The following LIG3 variants were observed in gnomAD, a reference collection of about 807,000 sequenced individuals.
LIG3 encodes the protein DNA ligase 3, also known as ligase II, DNA, ATP-dependent.
In LIG3, 58 loss-of-function variants were observed where a neutral mutation model predicts 110.9. The observed-to-expected ratio is 0.52, with a 90% CI of 0.42 to 0.65. LIG3 has a LOEUF of 0.65. Among genes scored for constraint, LIG3 ranks in the 30% least tolerant of loss-of-function variants. LIG3 has a pLI of 0.00. For synonymous variants in LIG3, 422 were observed against 472.8 expected (o/e 0.89, Z 1.39); for missense variants, 1,094 against 1,273.8 (o/e 0.86, Z 2.15).
intron 4 of LIG3, 161 bp downstream of exon 4, chr17:34,989,824 C>A (rs1460793645): frequency 4.5e-6 from 3 of 672,084 alleles, no homozygotes; most frequent in Non-Finnish European, 7.6e-6. Context: ...GAACAAGGGG[C>A]CTCGCATTTG....
chr17:35,004,929 CAGG>C lies in LIG3; in HGVS notation c.*424_*426del. ...ATCCTTGCCTGTTCCTTTGTACTTC[CAGG>C]CTCATTTTAAAGTTGTATTTAAAGG... On this transcript the variant is annotated 3_prime_UTR_variant, in exon 20 of 20. Transcript: ENST00000378526. 1 of 265,412 alleles carries C rather than the reference CAGG, an allele frequency of 3.8e-6. No homozygotes were observed. Among genetic ancestry groups the C allele is most frequent in the Non-Finnish European group, 7.3e-6 (1 of 136,236 alleles). 16.4% of individuals were successfully genotyped at this position (265,412 alleles called of 1,614,324 possible).
rs1162291858 is a variant in LIG3 at position 34,989,675 on chromosome 17, G to A, written c.889+12G>A. The stretch of plus-strand genomic sequence containing the variant: ...AGGCTCAGCAGGAGGTGTGGCATGA[G>A]CATCCTGAATAGGCCTTTCCTCCGG... On this transcript the variant is annotated intron_variant, in intron 4 of 19. Coordinates refer to ENST00000378526, the MANE Select transcript of LIG3 (RefSeq NM_013975.4). 1.2e-6 allele frequency: 2 copies of A among 1,613,684 alleles called. No homozygotes were observed. Among genetic ancestry groups the A allele is most frequent in the South Asian group, 1.1e-5 (1 of 91,062 alleles).
rs1051814408 is a variant in LIG3 at position 34,980,555 on chromosome 17, T to C, written c.-72T>C. The stretch of plus-strand genomic sequence containing the variant: ...AAAGAGACAGGCGCTCCAACCGTCG[T>C]GGGCTGCCCGCGGCCTGTAATGAGC... On this transcript the variant is annotated 5_prime_UTR_variant, in exon 1 of 20. Coordinates refer to ENST00000378526, the MANE Select transcript of LIG3 (RefSeq NM_013975.4). 7.8e-7 allele frequency: 1 copy of C among 1,287,658 alleles called. No individual in the cohort carries two copies. The highest frequency in any genetic ancestry group is 1.2e-5 in the South Asian group (1 of 80,662). 79.8% of individuals were successfully genotyped at this position (1,287,658 alleles called of 1,614,324 possible).
rs761469927 is a variant in LIG3, at chr17:34,996,046, C to T, written c.1612-18C>T. ...GCTGCCATGTCATCCCTCACCAAAGCTCCCCTTCTGCTTTCAGGTGGCCCA... is the reference window on the plus strand; with the variant it reads ...GCTGCCATGTCATCCCTCACCAAAGTTCCCCTTCTGCTTTCAGGTGGCCCA... On this transcript the variant is annotated intron_variant, in intron 9 of 19. Transcript: ENST00000378526. The T allele has an allele frequency of 1.4e-5, 22 of 1,608,554 alleles. No homozygotes were observed. Among genetic ancestry groups the T allele is most frequent in the Middle Eastern group, 1.7e-4 (1 of 6,030 alleles).
At chr17:34,996,013 A>G in intron 9 of LIG3, 51 bp from the exon 10 acceptor site, 1 of 1,586,914 alleles carries the variant, frequency 6.3e-7, no homozygotes, top group East Asian at 2.2e-5. Flanking sequence ...GCATGGTTTG[A>G]GGTCCCTGCT....
At chr17:34,989,937 C>T in intron 4 of LIG3, 1 of 438,272 alleles carries the variant, frequency 2.3e-6, no homozygotes, top group Admixed American at 3.5e-5. Flanking sequence ...GCCAGAAGAA[C>T]CCATCCTATT....
rs577824677 is a variant in LIG3 at position 34,980,564 on chromosome 17, C to T, written c.-63C>T. The T allele has an allele frequency of 7.8e-7, 1 of 1,287,664 alleles. No homozygotes were observed. Among genetic ancestry groups the T allele is most frequent in the Non-Finnish European group, 1.0e-6 (1 of 987,808 alleles). 79.8% of individuals were successfully genotyped at this position (1,287,664 alleles called of 1,614,324 possible). On this transcript the variant is annotated 5_prime_UTR_variant, in exon 1 of 20. Coordinates refer to ENST00000378526, the MANE Select transcript of LIG3 (RefSeq NM_013975.4). ...GGCGCTCCAACCGTCGTGGGCTGCC[C>T]GCGGCCTGTAATGAGCAAGTTCCGA...
chr17:34,991,973 C>T lies in LIG3; in HGVS notation c.1224C>T (p.Asp408=). 1.2e-6 allele frequency: 2 copies of T among 1,614,114 alleles called. No homozygotes were observed. Among genetic ancestry groups the T allele is most frequent in the Non-Finnish European group, 1.7e-6 (2 of 1,179,926 alleles). ...QDIASRCTAN[D]LKCIIRLIKH... is the part of the protein sequence containing the mutation. ...ATCCCCCTAGGTGTACAGCCAATGACCTTAAATGCATCATCAGGTTGATCA... is the reference window on the plus strand; with the variant it reads ...ATCCCCCTAGGTGTACAGCCAATGATCTTAAATGCATCATCAGGTTGATCA... The change falls in exon 7 of 20, where the codon GAC becomes GAT. Residue 408 remains aspartate, a synonymous_variant. Transcript: ENST00000378526.
At chr17:35,000,991 G>A (rs1270633698) in intron 16 of LIG3, among the ~76,000 whole-genome samples, 1 of 151,992 alleles carries the variant, frequency 6.6e-6, no homozygotes, top group East Asian at 1.9e-4. Flanking sequence ...TGCAACCTCT[G>A]CCTCCTGGGT....
intron 5 of LIG3, 96 bp downstream of exon 5, chr17:34,991,210 A>T: frequency 8.1e-7 from 1 of 1,229,268 alleles, no homozygotes; most frequent in Non-Finnish European, 1.1e-6. Context: ...GTTGGGACAC[A>T]TACTGTTTTA....
chr17:34,982,575 A>G (rs908712675), intron 1 of LIG3, among the ~76,000 whole-genome samples: 1 of 151,446 alleles, frequency 6.6e-6, no homozygotes, highest in Non-Finnish European at 1.5e-5. Flanking sequence ...TGAACCCGAG[A>G]GGAGGAGGTT....
chr17:34,981,438 A>G (rs2090591169), intron 1 of LIG3: 1 of 152,200 alleles, frequency 6.6e-6, no homozygotes, highest in South Asian at 2.1e-4. Context: ...CCTCCAAAAA[A>G]CCGTGCATTT....
chr17:34,990,613 G>A (rs2090708853), intron 4 of LIG3, among the ~76,000 whole-genome samples: 3 of 151,260 alleles, frequency 2.0e-5, no homozygotes, highest in Non-Finnish European at 4.4e-5. Flanking sequence ...TTGTGTGTGT[G>A]TGTGAGACAG....
Position 34,991,781 on chromosome 17 carries a change from G to A in LIG3, c.1152G>A (p.Leu384=). Residue 384 remains leucine (L), a synonymous_variant, in exon 6 of 20, where the codon CTG becomes CTA. Transcript: ENST00000378526. ...AAGTGGATGAGTTCCTTCTGCGGCT[G>A]TCCAAGCTCACCAAGGAGGATGAGC... The part of the protein sequence containing the change: ...IQEVDEFLLR[L]SKLTKEDEQQ... 6.2e-7 allele frequency: 1 copy of A among 1,614,126 alleles called. No homozygotes were observed. Among genetic ancestry groups the A allele is most frequent in the South Asian group, 1.1e-5 (1 of 91,082 alleles).
At chr17:34,990,000 C>A in intron 4 of LIG3, 1 of 265,002 alleles carries the variant, frequency 3.8e-6, no homozygotes, top group Non-Finnish European at 7.4e-6. Context: ...TTTTGTGAAC[C>A]ATATACACAG....
Position 34,999,863 on chromosome 17 carries a change from A to G in LIG3, c.2331+7A>G, listed in dbSNP as rs1309628653. ...CATCGTCCCAGACCCAAAGGTATCA[A>G]CCCAGTGGCTTGGGGGCCTCCAGCT... On this transcript the variant is annotated splice_region_variant and intron_variant, in intron 16 of 19. Transcript: ENST00000378526. 4.3e-6 allele frequency: 7 copies of G among 1,611,828 alleles called. No homozygotes were observed. In the Admixed American group the frequency reaches 1.2e-4, roughly 27 times the overall value.
intron 15 of LIG3, 116 bp from the exon 16 acceptor site, chr17:34,999,666 A>C: frequency 8.9e-7 from 1 of 1,123,270 alleles, no homozygotes; most frequent in Non-Finnish European, 1.3e-6. Context: ...TGGGAGGATC[A>C]CATGGCTCAA....
In LIG3 at chr17:34,985,984, A is replaced by G. The variant is rs375313468; in HGVS notation, c.548-4A>G. On this transcript the variant is annotated splice_polypyrimidine_tract_variant and splice_region_variant and intron_variant, in intron 2 of 19. Transcript: ENST00000378526. Reference sequence around the variant, plus strand: ...ATATTTTATACTCTTTTGGGATCCTACAGATCTGTCTTCTAAGGCAGCAGG... The same window carrying G: ...ATATTTTATACTCTTTTGGGATCCTGCAGATCTGTCTTCTAAGGCAGCAGG... The G allele has an allele frequency of 1.9e-6, 3 of 1,613,642 alleles. No homozygotes were observed. Among genetic ancestry groups the G allele is most frequent in the Non-Finnish European group, 2.5e-6 (3 of 1,179,670 alleles).
At chr17:34,996,765 G>C in intron 11 of LIG3, 112 bp downstream of exon 11, 1 of 894,506 alleles carries the variant, frequency 1.1e-6, no homozygotes. Context: ...GAACCAGCTG[G>C]CACATACGTT....
Sources: gnomAD v4.1 joint callset for allele counts (sites outside exome capture counted in the v4.1 genomes callset) on GRCh38, gnomAD v4.1.1 for gene constraint, MANE v1.5 for transcripts, NCBI Gene and HGNC (gene_info 2026-07-23, HGNC 2026-07-21) for gene names.